The following CERT1 variants were observed in gnomAD, a reference collection of about 807,000 sequenced individuals.
CERT1 encodes the protein ceramide transfer protein.
A neutral mutation model predicts 87.9 loss-of-function variants in CERT1; 31 were observed. That is an observed-to-expected ratio of 0.35 (90% confidence interval 0.27 to 0.48). CERT1 has a LOEUF of 0.48. Ranked by LOEUF, CERT1 falls within the 20% of genes least tolerant of loss-of-function variation. The pLI, the probability that CERT1 is intolerant of heterozygous loss-of-function variation, is 0.99. For missense variants in CERT1, 487 were observed against 758.0 expected, an observed-to-expected ratio of 0.64 and a Z score of 4.20; for synonymous variants, 289 against 250.9, an observed-to-expected ratio of 1.15 and a Z score of -1.44.
intron 3 of CERT1, among the ~76,000 whole-genome samples, chr5:75,430,736 CA>C (rs573577208): frequency 3.3e-4 from 47 of 143,152 alleles, no homozygotes; most frequent in Middle Eastern, 7.1e-3. Flanking sequence ...AATCAGTTCA[CA>C]AAAAAAAAAA....
chr5:75,485,312 C>CAAAAAAAAAAAAAAAAAAAAAAAA (rs757349878), intron 2 of CERT1, among the ~76,000 whole-genome samples: 32 of 46,438 alleles, frequency 6.9e-4, no homozygotes, highest in South Asian at 1.2e-3. Context: ...CACAAAAATA[C>CAAAAAAAAAAAAAAAAAAAAAAAA]AAAAAAAAAA....
intron 3 of CERT1, among the ~76,000 whole-genome samples, chr5:75,453,946 C>T (rs1412192642): frequency 1.3e-5 from 2 of 152,074 alleles, no homozygotes; most frequent in Admixed American, 6.6e-5. Flanking sequence ...AAGAAACCCC[C>T]GACCTCTTCC....
intron 14 of CERT1, among the ~76,000 whole-genome samples, chr5:75,383,652 T>G (rs1469304203): frequency 6.6e-6 from 1 of 152,172 alleles, no homozygotes; most frequent in Non-Finnish European, 1.5e-5. Context: ...ATGACAAGAC[T>G]GAGTTTAAGA....
chr5:75,446,207 T>A (rs914940273), intron 3 of CERT1, among the ~76,000 whole-genome samples: 7 of 152,238 alleles, frequency 4.6e-5, no homozygotes, highest in South Asian at 2.1e-4. Context: ...TTCTTTTTGT[T>A]CTTCAAACTA....
At chr5:75,384,063 A>G (rs1378568928) in intron 14 of CERT1, among the ~76,000 whole-genome samples, 2 of 152,202 alleles carry the variant, frequency 1.3e-5, no homozygotes, top group Admixed American at 6.5e-5. Context: ...TTTTATATCT[A>G]TTAGTCTTAA....
intron 11 of CERT1, among the ~76,000 whole-genome samples, chr5:75,394,684 A>G (rs903267288): frequency 3.3e-5 from 5 of 152,142 alleles, no homozygotes; most frequent in African/African-American, 1.2e-4. Flanking sequence ...TGATCTCACC[A>G]CTGCACTCCA....
chr5:75,417,083 C>A (rs765549515), intron 6 of CERT1, 50 bp from the exon 7 acceptor site: 12 of 1,342,338 alleles, frequency 8.9e-6, no homozygotes, highest in Admixed American at 2.0e-5. Flanking sequence ...GGAAATAATT[C>A]ATCACAATTT....
At chr5:75,489,819 T>G (rs1412517297) in intron 2 of CERT1, among the ~76,000 whole-genome samples, 1 of 152,196 alleles carries the variant, frequency 6.6e-6, no homozygotes, top group African/African-American at 2.4e-5. Context: ...TTGTGGAAGA[T>G]AGTGTGGCAA....
intron 2 of CERT1, among the ~76,000 whole-genome samples, chr5:75,461,821 G>GA (rs11404644): frequency 0.21 from 18,593 of 89,366 alleles, 1,439 homozygotes; most frequent in South Asian, 0.31. Flanking sequence ...TCAACAAAGT[G>GA]AAAAAAAAAA....
At position 75,424,588 on chromosome 5, in the gene CERT1, AAAAG is replaced by A. The variant is rs1419484387; in HGVS notation, c.595+769_595+772del. On this transcript the variant is annotated intron_variant, in intron 5 of 16. Transcript: ENST00000643780. ...TCTGTCTCAAAAAAAAAAAGAAAGAAAAAGAGAGAGAGAGGAAAAGGCAAAAAGA... is the reference window on the plus strand; with the variant it reads ...TCTGTCTCAAAAAAAAAAAGAAAGAAAGAGAGAGAGGAAAAGGCAAAAAGA... Among the ~76,000 whole-genome samples the A allele has an allele frequency of 5.9e-5, 9 of 151,858 alleles. No homozygotes were observed. The East Asian group carries it at 1.2e-3, about 20-fold the overall frequency.
chr5:75,396,457 C>T (rs918687545), intron 11 of CERT1, among the ~76,000 whole-genome samples: 1 of 151,916 alleles, frequency 6.6e-6, no homozygotes, highest in Non-Finnish European at 1.5e-5. Flanking sequence ...CCAGGTGTGG[C>T]GGCTCATGCC....
At chr5:75,405,081 T>C (rs1339454624) in intron 8 of CERT1, among the ~76,000 whole-genome samples, 1 of 152,144 alleles carries the variant, frequency 6.6e-6, no homozygotes, top group Non-Finnish European at 1.5e-5. Flanking sequence ...TTTCCTTTAA[T>C]GGTAAACCTT....
At chr5:75,431,547 A>C (rs1763867779) in intron 3 of CERT1, among the ~76,000 whole-genome samples, 1 of 152,182 alleles carries the variant, frequency 6.6e-6, no homozygotes, top group South Asian at 2.1e-4. Context: ...TCTCTGTGTT[A>C]TGGGGTTGGA....
chr5:75,510,675 C>G (rs1767909857), intron 1 of CERT1, among the ~76,000 whole-genome samples: 1 of 152,206 alleles, frequency 6.6e-6, no homozygotes, highest in Non-Finnish European at 1.5e-5. Flanking sequence ...GCTCCAGCTT[C>G]TGTCGAAAGA....
At chr5:75,423,564 G>C (rs567822889) in intron 5 of CERT1, among the ~76,000 whole-genome samples, 7 of 152,222 alleles carry the variant, frequency 4.6e-5, no homozygotes, top group Admixed American at 6.5e-5. Context: ...CACATAGCGA[G>C]ACCTCATCTC....
At chr5:75,454,326 G>C (rs1197694677) in intron 3 of CERT1, among the ~76,000 whole-genome samples, 1 of 152,026 alleles carries the variant, frequency 6.6e-6, no homozygotes, top group Admixed American at 6.6e-5. Context: ...TTTGATATTG[G>C]ATTACATTCT....
At chr5:75,457,282 G>A (rs1340293056) in intron 3 of CERT1, among the ~76,000 whole-genome samples, 4 of 152,048 alleles carry the variant, frequency 2.6e-5, no homozygotes, top group African/African-American at 4.8e-5. Flanking sequence ...ATTCTGGTAA[G>A]TAACTTTGCA....
At chr5:75,399,836 T>C (rs776686921) in intron 10 of CERT1, among the ~76,000 whole-genome samples, 1 of 152,170 alleles carries the variant, frequency 6.6e-6, no homozygotes, top group Non-Finnish European at 1.5e-5. Context: ...GGAGAAAACT[T>C]ATATACTACA....
intron 7 of CERT1, among the ~76,000 whole-genome samples, chr5:75,413,723 GAAC>G (rs1290475012): frequency 3.3e-5 from 5 of 151,540 alleles, no homozygotes; most frequent in South Asian, 2.1e-4. Flanking sequence ...AGTCAAGAGT[GAAC>G]AACATCAACA....
Sources: allele counts gnomAD v4.1 joint callset (sites outside exome capture counted in the v4.1 genomes callset), GRCh38; gene constraint gnomAD v4.1.1; transcripts MANE v1.5; gene names NCBI Gene and HGNC (gene_info 2026-07-23, HGNC 2026-07-21).